DPP6: variants seen among roughly 807,000 people sequenced by gnomAD.
The protein encoded by DPP6 is dipeptidyl peptidase like 6, also known as A-type potassium channel modulatory protein DPP6.
DPP6 carries 69 observed loss-of-function variants against 122.6 expected under a neutral mutation model. The observed-to-expected ratio is 0.56, with a 90% confidence interval of 0.46 to 0.69. DPP6 has a LOEUF of 0.69. DPP6 is among the 30% of genes least tolerant of loss of function. The probability of loss-of-function intolerance (pLI) is 0.00; values close to 1 mark genes in which losing one functional copy is unlikely to be tolerated. For missense variants in DPP6, 928 were observed against 1,116.9 expected (o/e 0.83, Z 2.41); for synonymous variants, 418 against 433.1 (o/e 0.97, Z 0.43).
chr7:154,667,572 A>C (rs1042269920), intron 6 of DPP6, among the ~76,000 whole-genome samples: 1 of 152,106 alleles, frequency 6.6e-6, no homozygotes, highest in Non-Finnish European at 1.5e-5. Flanking sequence ...AAAATACAAA[A>C]ATTCGCCAGG....
At chr7:154,862,638 A>G (rs925825146) in intron 17 of DPP6, among the ~76,000 whole-genome samples, 9 of 152,122 alleles carry the variant, frequency 5.9e-5, no homozygotes, top group Non-Finnish European at 1.0e-4. Flanking sequence ...CTCGAGGAGC[A>G]CCTGCAGGCT....
At chr7:154,280,339 T>C (rs574004614) in intron 1 of DPP6, among the ~76,000 whole-genome samples, 38 of 152,296 alleles carry the variant, frequency 2.5e-4, no homozygotes, top group Admixed American at 9.2e-4. Flanking sequence ...TCTCTTAGAA[T>C]ACACTCTGAC....
chr7:153,845,404 T>C, the DPP6 span, among the ~76,000 whole-genome samples: 1 of 152,016 alleles, frequency 6.6e-6, no homozygotes, highest in Admixed American at 6.5e-5. Context: ...CTATAATAAC[T>C]CTTTTGTCTG....
At chr7:154,858,609 T>A (rs576248736) in intron 17 of DPP6, 1 of 152,436 alleles carries the variant, frequency 6.6e-6, no homozygotes, top group East Asian at 1.9e-4. Context: ...CACGGCACCT[T>A]CTCCTGCTCT....
intron 8 of DPP6, among the ~76,000 whole-genome samples, chr7:154,761,826 T>A (rs1384809579): frequency 6.6e-6 from 1 of 152,184 alleles, no homozygotes; most frequent in East Asian, 1.9e-4. Context: ...TAGGTATATC[T>A]CCTAATGCTG....
chr7:154,685,466 A>G (rs560908197), intron 7 of DPP6, among the ~76,000 whole-genome samples: 2 of 152,232 alleles, frequency 1.3e-5, no homozygotes, highest in African/African-American at 4.8e-5. Flanking sequence ...GGGTATTTGA[A>G]AGCTCCCCAG....
intron 1 of DPP6, among the ~76,000 whole-genome samples, chr7:154,223,393 A>G (rs1191755649): frequency 1.3e-5 from 2 of 149,422 alleles, no homozygotes; most frequent in African/African-American, 5.1e-5. Context: ...ATATAGAACT[A>G]ATGATACCCA....
At chr7:154,531,515 A>G (rs73163079) in intron 3 of DPP6, among the ~76,000 whole-genome samples, 1 of 152,352 alleles carries the variant, frequency 6.6e-6, no homozygotes, top group Non-Finnish European at 1.5e-5. Flanking sequence ...CAGCAGACCC[A>G]TACAAAAAGA....
At chr7:154,016,121 GC>G (rs1159632984) in intron 1 of DPP6, among the ~76,000 whole-genome samples, 2 of 152,106 alleles carry the variant, frequency 1.3e-5, no homozygotes, top group African/African-American at 4.8e-5. Context: ...ATTCAAGTCA[GC>G]CCCATGATAC....
chr7:154,209,561 A>G (rs976971424), intron 1 of DPP6, among the ~76,000 whole-genome samples: 3 of 150,820 alleles, frequency 2.0e-5, no homozygotes, highest in African/African-American at 7.3e-5. Flanking sequence ...AAAAACAAAA[A>G]ACCTTTCTTC....
intron 1 of DPP6, among the ~76,000 whole-genome samples, chr7:154,411,334 G>A (rs962472745): frequency 2.6e-5 from 4 of 152,076 alleles, no homozygotes; most frequent in African/African-American, 9.7e-5. Flanking sequence ...TGACCTCCTG[G>A]GTTCAGGTGA....
At chr7:154,401,115 C>A (rs529404908) in intron 1 of DPP6, among the ~76,000 whole-genome samples, 1 of 151,544 alleles carries the variant, frequency 6.6e-6, no homozygotes, top group Non-Finnish European at 1.5e-5. Flanking sequence ...GAGAATCACT[C>A]GAACCTGGGA....
chr7:153,893,049 T>TA (rs1369507299), intron 1 of DPP6, among the ~76,000 whole-genome samples: 2 of 152,188 alleles, frequency 1.3e-5, no homozygotes, highest in African/African-American at 2.4e-5. Flanking sequence ...TATGGCCCAT[T>TA]AAAAAATGCA....
chr7:154,644,684 T>C (rs911655997), intron 6 of DPP6, among the ~76,000 whole-genome samples: 3 of 148,696 alleles, frequency 2.0e-5, no homozygotes, highest in African/African-American at 7.4e-5. Flanking sequence ...GAAGCAAAAA[T>C]GCAGAAGAAA....
chr7:154,415,070 G>T (rs1227997559), intron 1 of DPP6, among the ~76,000 whole-genome samples: 1 of 152,140 alleles, frequency 6.6e-6, no homozygotes, highest in Non-Finnish European at 1.5e-5. Context: ...GCCCATCTCT[G>T]CATGCTTCCT....
At chr7:154,262,029 G>T in intron 1 of DPP6, among the ~76,000 whole-genome samples, 1 of 152,014 alleles carries the variant, frequency 6.6e-6, no homozygotes. Context: ...GGGAGAGAGG[G>T]AGAGAGGGAG....
chr7:153,974,856 G>T (rs1411769334), intron 1 of DPP6, among the ~76,000 whole-genome samples: 3 of 152,188 alleles, frequency 2.0e-5, no homozygotes, highest in Non-Finnish European at 2.9e-5. Context: ...AGCCCTGCAT[G>T]CAGCAAACCA....
At chr7:153,836,221 C>T in the DPP6 span, among the ~76,000 whole-genome samples, 1 of 152,306 alleles carries the variant, frequency 6.6e-6, no homozygotes, top group East Asian at 1.9e-4. Context: ...ATCAACAAAT[C>T]AAACCCTTGT....
At chr7:154,849,181 G>T (rs953932949) in intron 16 of DPP6, among the ~76,000 whole-genome samples, 1 of 151,922 alleles carries the variant, frequency 6.6e-6, no homozygotes, top group South Asian at 2.1e-4. Context: ...GGATTTTTCT[G>T]TGAAAAAAAT....
Sources: gnomAD v4.1 joint callset for allele counts (sites outside exome capture counted in the v4.1 genomes callset) on GRCh38, gnomAD v4.1.1 for gene constraint, MANE v1.5 for transcripts, NCBI Gene and HGNC (gene_info 2026-07-23, HGNC 2026-07-21) for gene names.